Variants in ZNF676 observed in about 807,000 individuals in gnomAD.
ZNF676 encodes zinc finger protein 676.
Under a neutral mutation model 6.0 loss-of-function variants are expected in ZNF676, and 4 were observed. The observed-to-expected ratio is 0.67, with a 90% confidence interval of 0.33 to 1.53. The LOEUF (loss-of-function observed/expected upper bound fraction) is 1.53. ZNF676 is among the 40% of genes most tolerant of loss of function. The pLI is 0.06. For missense variants in ZNF676, 644 were observed against 679.7 expected (o/e 0.95, Z 0.58); for synonymous variants, 198 against 223.1 (o/e 0.89, Z 1.00).
At chr19:22,217,912 C>T (rs1361287979), upstream of ZNF676, among the ~76,000 whole-genome samples, 1 of 151,784 alleles carries the variant, frequency 6.6e-6, no homozygotes, top group Non-Finnish European at 1.5e-5. Flanking sequence ...CCATGTTGGC[C>T]AGGCTAGTCT....
intron 2 of ZNF676, among the ~76,000 whole-genome samples, chr19:22,182,585 T>TAAAAAAAAAAAAAA (rs67699215): frequency 2.2e-4 from 10 of 45,026 alleles, no homozygotes; most frequent in Non-Finnish European, 3.5e-4. Context: ...GTCAAAGTTC[T>TAAAAAAAAAAAAAA]AAAAAAAAAA....
At chr19:22,217,364 T>A (rs281191), upstream of ZNF676, among the ~76,000 whole-genome samples, 3 of 151,906 alleles carry the variant, frequency 2.0e-5, no homozygotes, top group African/African-American at 7.3e-5. Flanking sequence ...CCACCATGCC[T>A]GGCTAATTTT....
At chr19:22,191,531 C>T (rs1261349911) in intron 2 of ZNF676, among the ~76,000 whole-genome samples, 1 of 152,128 alleles carries the variant, frequency 6.6e-6, no homozygotes, top group East Asian at 1.9e-4. Flanking sequence ...ATGGCCAGTT[C>T]TGCCTACATA....
upstream of ZNF676, chr19:22,215,799 C>CA (rs2024179980): frequency 1.1e-5 from 3 of 262,886 alleles, no homozygotes; most frequent in Non-Finnish European, 1.7e-5. Context: ...CCGACCTGTC[C>CA]CCCCCCCCAG....
intron 2 of ZNF676, among the ~76,000 whole-genome samples, chr19:22,187,644 G>A (rs1461298071): frequency 2.0e-5 from 3 of 151,244 alleles, no homozygotes; most frequent in African/African-American, 7.3e-5. Flanking sequence ...AGGAAGAAAG[G>A]AGAGAAGAAT....
the ZNF676 span, among the ~76,000 whole-genome samples, chr19:22,254,873 G>T: frequency 6.6e-6 from 1 of 152,148 alleles, no homozygotes; most frequent in Non-Finnish European, 1.5e-5. Flanking sequence ...CTAGATGCTG[G>T]GTTCAGTGAT....
the ZNF676 span, among the ~76,000 whole-genome samples, chr19:22,243,035 A>G: frequency 0.64 from 96,311 of 151,572 alleles, 30,851 homozygotes; most frequent in South Asian, 0.85. Context: ...TGGTAAGCCC[A>G]GTATTAAGTT....
At chr19:22,231,937 TA>T in the ZNF676 span, among the ~76,000 whole-genome samples, 1 of 152,096 alleles carries the variant, frequency 6.6e-6, no homozygotes, top group Non-Finnish European at 1.5e-5. Flanking sequence ...TCATATTTTA[TA>T]AAATGTTTTT....
At position 22,210,576 on chromosome 19, in the gene ZNF676, C is replaced by T. The variant is rs1370137689; in HGVS notation, c.3+5056G>A. The stretch of plus-strand genomic sequence containing the variant: ...GGGAAAAGATGAAGCATATAGATAA[C>T]AAACAGCTAGGATTAATAAAATTCT... On this transcript the variant is annotated intron_variant, in intron 1 of 3. Coordinates refer to the ZNF676 transcript ENST00000650058. 4.6e-5 allele frequency among the ~76,000 whole-genome samples: 7 copies of T among 152,256 alleles called. No individual in the cohort carries two copies. The South Asian group carries it at 1.5e-3, about 32-fold the overall frequency.
chr19:22,225,333 T>C, the ZNF676 span, among the ~76,000 whole-genome samples: 1 of 152,210 alleles, frequency 6.6e-6, no homozygotes, highest in Non-Finnish European at 1.5e-5. Flanking sequence ...GTATGTTAAA[T>C]TTTTTGATGT....
intron 1 of ZNF676, among the ~76,000 whole-genome samples, chr19:22,213,776 G>C (rs1180147597): frequency 6.6e-6 from 1 of 151,994 alleles, no homozygotes; most frequent in Non-Finnish European, 1.5e-5. Context: ...TGACCCAGGA[G>C]CTGATATTCA....
intron 2 of ZNF676, among the ~76,000 whole-genome samples, chr19:22,185,543 C>T (rs2023826212): frequency 6.7e-6 from 1 of 149,528 alleles, no homozygotes; most frequent in Non-Finnish European, 1.5e-5. Context: ...TTGACAAATT[C>T]AAATTTGCAA....
At position 22,181,130 on chromosome 19, in the gene ZNF676, G is replaced by GCAAAT. The variant is rs2023740982; in HGVS notation, c.586_587insATTTG (p.Pro196HisfsTer24). The GCAAAT allele has an allele frequency of 6.2e-7, 1 of 1,613,702 alleles. No homozygotes were observed. Among genetic ancestry groups the GCAAAT allele is most frequent in the Non-Finnish European group, 8.5e-7 (1 of 1,179,946 alleles). ...TTTGCCACATTCTTCACATTTGTAG[G>GCAAAT]GTTTCTCTCCAGTATGAATACTCTT... On this transcript the variant is annotated frameshift_variant, in exon 3 of 3. Coordinates refer to ENST00000397121, the MANE Select transcript of ZNF676 (RefSeq NM_001001411.3). LOFTEE classifies it low-confidence loss of function (END_TRUNC).
the ZNF676 span, among the ~76,000 whole-genome samples, chr19:22,230,261 C>A: frequency 6.6e-6 from 1 of 152,130 alleles, no homozygotes; most frequent in African/African-American, 2.4e-5. Context: ...GAAAACCAAA[C>A]ACTGCATGTT....
At chr19:22,208,437 T>G (rs10419384) in intron 1 of ZNF676, among the ~76,000 whole-genome samples, 57,692 of 152,004 alleles carry the variant, frequency 0.38, 11,191 homozygotes, top group African/African-American at 0.42. Flanking sequence ...ATTATTATAA[T>G]TCAACCATTG....
chr19:22,221,626 C>A, the ZNF676 span, among the ~76,000 whole-genome samples: 1 of 152,024 alleles, frequency 6.6e-6, no homozygotes, highest in Admixed American at 6.6e-5. Context: ...TGGCACGTGG[C>A]TGTAATCCCA....
upstream of ZNF676, among the ~76,000 whole-genome samples, chr19:22,200,318 T>C (rs535278037): frequency 6.6e-5 from 10 of 152,048 alleles, no homozygotes; most frequent in Admixed American, 2.0e-4. Flanking sequence ...CAAATAATAA[T>C]AACAACTCTT....
the ZNF676 span, among the ~76,000 whole-genome samples, chr19:22,253,426 A>ATG: frequency 1.6e-5 from 1 of 61,198 alleles, no homozygotes; most frequent in African/African-American, 4.6e-5. Context: ...ATGATAATGT[A>ATG]TATATATATG....
At chr19:22,257,135 A>T in the ZNF676 span, among the ~76,000 whole-genome samples, 1 of 152,106 alleles carries the variant, frequency 6.6e-6, no homozygotes, top group African/African-American at 2.4e-5. Flanking sequence ...GAAAGCAAAG[A>T]CTAGGCAGGA....
Sources: gnomAD v4.1 joint callset for allele counts (sites outside exome capture counted in the v4.1 genomes callset) on GRCh38, gnomAD v4.1.1 for gene constraint, MANE v1.5 for transcripts, NCBI Gene and HGNC (gene_info 2026-07-23, HGNC 2026-07-21) for gene names.